DLG2: variants seen among roughly 807,000 people sequenced by gnomAD.
DLG2 encodes the protein disks large homolog 2.
Under a neutral mutation model 132.5 loss-of-function variants are expected in DLG2, and 45 were observed. The observed-to-expected ratio is 0.34, with a 90% CI of 0.27 to 0.44. The LOEUF is 0.44. Among genes scored for constraint, DLG2 ranks in the 20% least tolerant of loss-of-function variants. The pLI, the probability that DLG2 is intolerant of heterozygous loss-of-function variation, is 1.00. For missense variants in DLG2, 1,045 were observed against 1,196.9 expected (o/e 0.87, Z 1.87); for synonymous variants, 424 against 419.6 (o/e 1.01, Z -0.13).
At chr11:84,509,618 C>T (rs765085618) in intron 7 of DLG2, among the ~76,000 whole-genome samples, 7 of 151,886 alleles carry the variant, frequency 4.6e-5, no homozygotes, top group Admixed American at 3.3e-4. Context: ...GTCAGCCCAC[C>T]CAACAAATAG....
At chr11:84,212,327 T>C (rs1298906644) in intron 8 of DLG2, among the ~76,000 whole-genome samples, 1 of 152,190 alleles carries the variant, frequency 6.6e-6, no homozygotes, top group Non-Finnish European at 1.5e-5. Flanking sequence ...CAGGGCTGGA[T>C]CCAGGTTCTG....
intron 2 of DLG2, among the ~76,000 whole-genome samples, chr11:85,624,685 A>T (rs2081944014): frequency 6.6e-6 from 1 of 152,240 alleles, no homozygotes; most frequent in African/African-American, 2.4e-5. Context: ...ATGTATCATA[A>T]TACTAGCAGT....
chr11:84,552,034 A>C (rs2099402771), intron 6 of DLG2, among the ~76,000 whole-genome samples: 2 of 152,178 alleles, frequency 1.3e-5, no homozygotes, highest in African/African-American at 2.4e-5. Flanking sequence ...GGTTTACATT[A>C]GACTGAGAGC....
At chr11:84,873,190 T>A (rs961497441) in intron 6 of DLG2, among the ~76,000 whole-genome samples, 2 of 152,104 alleles carry the variant, frequency 1.3e-5, no homozygotes, top group Non-Finnish European at 2.9e-5. Context: ...CACAAGGGCC[T>A]TTATAAGAGG....
At chr11:83,512,942 T>G (rs990057847) in intron 21 of DLG2, among the ~76,000 whole-genome samples, 1 of 152,214 alleles carries the variant, frequency 6.6e-6, no homozygotes, top group Non-Finnish European at 1.5e-5. Context: ...TGTTGGACAT[T>G]TGGGTTGGTT....
intron 19 of DLG2, chr11:83,631,107 C>T (rs2063467971): frequency 6.8e-6 from 1 of 146,468 alleles, no homozygotes; most frequent in Non-Finnish European, 1.5e-5. Context: ...TCAAGAAGTA[C>T]AAAGGTACAA....
At chr11:84,839,912 T>C (rs2080380160) in intron 6 of DLG2, among the ~76,000 whole-genome samples, 2 of 152,068 alleles carry the variant, frequency 1.3e-5, no homozygotes, top group East Asian at 1.9e-4. Flanking sequence ...GGCAATACCA[T>C]TCAGGACATA....
At chr11:84,403,902 C>G (rs111460046) in intron 7 of DLG2, among the ~76,000 whole-genome samples, 5 of 152,268 alleles carry the variant, frequency 3.3e-5, no homozygotes, top group African/African-American at 1.2e-4. Context: ...CTTTTCAAAG[C>G]CAAGTCCAAA....
At chr11:84,741,054 C>CCCT (rs1565838994) in intron 6 of DLG2, among the ~76,000 whole-genome samples, 6 of 132,774 alleles carry the variant, frequency 4.5e-5, no homozygotes, top group African/African-American at 1.5e-4. Flanking sequence ...TGTGCCTATG[C>CCCT]TCTTTTTTTT....
intron 6 of DLG2, among the ~76,000 whole-genome samples, chr11:84,911,431 T>A (rs1295750579): frequency 6.6e-6 from 1 of 151,832 alleles, no homozygotes; most frequent in Middle Eastern, 3.2e-3. Flanking sequence ...TATATTAAAA[T>A]TTTAAAAGCA....
At chr11:83,901,244 T>C (rs959885445) in intron 15 of DLG2, among the ~76,000 whole-genome samples, 12 of 152,204 alleles carry the variant, frequency 7.9e-5, no homozygotes, top group African/African-American at 2.9e-4. Context: ...CTGTGGACTT[T>C]TGAGTTAATA....
rs555450281 is a variant in DLG2, at chr11:84,586,856, C to T, written c.358-52125G>A. ...TATTACTATCTTAACCAATGCTTTG[C>T]CATCCCCATCCTCCAAAAAAGTACA... On this transcript the variant is annotated intron_variant, in intron 6 of 27. Coordinates refer to ENST00000376104, the MANE Select transcript of DLG2 (RefSeq NM_001142699.3). 4.6e-5 allele frequency among the ~76,000 whole-genome samples: 7 copies of T among 152,232 alleles called. No individual in the cohort carries two copies. The South Asian group carries it at 1.2e-3, about 27-fold the overall frequency.
intron 3 of DLG2, among the ~76,000 whole-genome samples, chr11:85,480,720 G>A (rs1186213765): frequency 6.6e-6 from 1 of 151,892 alleles, no homozygotes; most frequent in Non-Finnish European, 1.5e-5. Context: ...GCACACACAA[G>A]TCAATTAAAA....
At chr11:84,803,190 A>G (rs2075621871) in intron 6 of DLG2, among the ~76,000 whole-genome samples, 1 of 152,216 alleles carries the variant, frequency 6.6e-6, no homozygotes, top group African/African-American at 2.4e-5. Context: ...AATATAATGC[A>G]GTGTAGAATA....
chr11:84,009,285 C>G (rs1700703580), intron 11 of DLG2, among the ~76,000 whole-genome samples: 1 of 151,830 alleles, frequency 6.6e-6, no homozygotes, highest in Non-Finnish European at 1.5e-5. Context: ...ATTCAAGATG[C>G]AAAACAAACA....
At chr11:84,318,411 A>G (rs1168284077) in intron 7 of DLG2, among the ~76,000 whole-genome samples, 1 of 152,242 alleles carries the variant, frequency 6.6e-6, no homozygotes, top group Non-Finnish European at 1.5e-5. Flanking sequence ...CCATCCATGC[A>G]GTACCTAACA....
intron 18 of DLG2, among the ~76,000 whole-genome samples, chr11:83,730,972 AG>A (rs1395683451): frequency 2.6e-5 from 4 of 152,184 alleles, no homozygotes; most frequent in African/African-American, 7.2e-5. Flanking sequence ...GAAATTAGCA[AG>A]GGTCAAAAAC....
intron 6 of DLG2, among the ~76,000 whole-genome samples, chr11:85,072,198 C>T (rs2065956430): frequency 6.6e-6 from 1 of 151,824 alleles, no homozygotes; most frequent in Non-Finnish European, 1.5e-5. Flanking sequence ...ATCTTATTTA[C>T]TTCCCTTGTG....
chr11:83,667,765 G>A (rs2075904240), intron 18 of DLG2, among the ~76,000 whole-genome samples: 1 of 151,920 alleles, frequency 6.6e-6, no homozygotes, highest in Non-Finnish European at 1.5e-5. Context: ...GGATCACGAG[G>A]TCAGGAGATT....
Sources: allele counts gnomAD v4.1 joint callset (sites outside exome capture counted in the v4.1 genomes callset), GRCh38; gene constraint gnomAD v4.1.1; transcripts MANE v1.5; gene names NCBI Gene and HGNC (gene_info 2026-07-23, HGNC 2026-07-21).